The following KATNIP variants were observed in gnomAD, a reference collection of about 807,000 sequenced individuals.
KATNIP encodes the protein katanin-interacting protein.
KATNIP carries 126 observed loss-of-function variants against 174.0 expected under a neutral mutation model. The ratio of observed to expected loss-of-function variants is 0.72; its 90% CI spans 0.63 to 0.84. The LOEUF (loss-of-function observed/expected upper bound fraction) is 0.84, where lower values mean the gene tolerates loss of function less well. Ranked by LOEUF, KATNIP falls within the 40% of genes least tolerant of loss-of-function variation. The pLI, the probability that KATNIP is intolerant of heterozygous loss-of-function variation, is 0.00. For synonymous variants in KATNIP, 810 were observed against 835.7 expected (o/e 0.97, Z 0.53); for missense variants, 1,958 against 2,109.7 (o/e 0.93, Z 1.41).
intron 1 of KATNIP, among the ~76,000 whole-genome samples, chr16:27,562,917 G>A (rs1268061728): frequency 6.6e-6 from 1 of 152,244 alleles, no homozygotes; most frequent in Non-Finnish European, 1.5e-5. Context: ...GATCAGGAAA[G>A]CACATTGCAA....
intron 2 of KATNIP, among the ~76,000 whole-genome samples, chr16:27,607,425 G>C (rs1213375808): frequency 6.6e-6 from 1 of 152,090 alleles, no homozygotes; most frequent in Non-Finnish European, 1.5e-5. Context: ...AGACAGCACT[G>C]ATAAACAGCA....
rs922505625 is a variant in KATNIP, at chr16:27,776,810, G to T, written c.4450-118G>T. ...GGGGCGGAACTCCAGGCTGGCCCAC[G>T]TGGCAGGCGCTGCCTTGGGCACCAC... On this transcript the variant is annotated intron_variant, in intron 24 of 27. Transcript: ENST00000261588. The surrounding 1 kb of genome is among the most constrained non-coding windows in gnomAD (Gnocchi z 4.7). 6.7e-5 allele frequency: 47 copies of T among 700,598 alleles called. 1 individual carries two copies. The South Asian group carries it at 8.0e-4, about 12-fold the overall frequency. The allele number at this position is 700,598 out of a possible 1,614,324, so 43.4% of individuals were successfully genotyped here.
At chr16:27,727,878 A>G (rs912291608) in intron 14 of KATNIP, 1 of 152,242 alleles carries the variant, frequency 6.6e-6, no homozygotes, top group Non-Finnish European at 1.5e-5. Context: ...TCTAACAAAA[A>G]AAGTTTGTTT....
intron 13 of KATNIP, among the ~76,000 whole-genome samples, chr16:27,712,649 G>T (rs183690763): frequency 1.3e-5 from 2 of 152,100 alleles, no homozygotes; most frequent in Non-Finnish European, 2.9e-5. Context: ...TTCTGTGCCC[G>T]CACCATGTCT....
intron 1 of KATNIP, among the ~76,000 whole-genome samples, chr16:27,572,198 A>G (rs2090329875): frequency 6.6e-6 from 1 of 152,008 alleles, no homozygotes; most frequent in East Asian, 1.9e-4. Context: ...GGTGGATCAC[A>G]TGAGCCCAGG....
At position 27,776,955 on chromosome 16, in the gene KATNIP, C is replaced by T. The variant is rs1291599892; in HGVS notation, c.4477C>T (p.Leu1493=). 1 of 1,613,572 alleles carries T rather than the reference C, an allele frequency of 6.2e-7. No homozygotes were observed. Among genetic ancestry groups the T allele is most frequent in the South Asian group, 1.1e-5 (1 of 91,064 alleles). Residue 1493 remains leucine (L), a synonymous_variant, in exon 25 of 28, where the codon CTG becomes TTG. Transcript: ENST00000261588. This position sits in a 1 kb window ranked among gnomAD's most constrained non-coding sequence, Gnocchi z 4.7. ...GAACCGGGTTTATGTGATTTTCGAT[C>T]TGCCTACCACCGTGTCAATGATCAA... The part of the protein sequence containing the change: ...LVNRVYVIFD[L]PTTVSMIKLW...
intron 14 of KATNIP, among the ~76,000 whole-genome samples, chr16:27,738,889 G>A (rs879378612): frequency 2.7e-4 from 41 of 152,296 alleles, no homozygotes; most frequent in African/African-American, 7.7e-4. Flanking sequence ...TCGTGCATGT[G>A]TTGGGGCATC....
chr16:27,648,838 C>T lies in KATNIP; in HGVS notation c.540+103C>T, dbSNP rs569323457. The T allele has an allele frequency of 6.4e-5, 80 of 1,255,328 alleles. No individual in the cohort carries two copies. The South Asian group carries it at 1.1e-3, about 18-fold the overall frequency. 77.8% of individuals were successfully genotyped at this position (1,255,328 alleles called of 1,614,324 possible). On this transcript the variant is annotated intron_variant, in intron 6 of 27. Transcript: ENST00000261588. ...CTTTCTGACAGTTATTTATTCTGTC[C>T]TTCACTCGCCGCTGTGTTCCTTCAC...
chr16:27,571,264 C>G (rs958938885), intron 1 of KATNIP, among the ~76,000 whole-genome samples: 4 of 152,150 alleles, frequency 2.6e-5, no homozygotes, highest in African/African-American at 9.7e-5. Flanking sequence ...AAGTCCTGAC[C>G]TCAGGTGATC....
chr16:27,695,685 C>T (rs2078888909), intron 8 of KATNIP, among the ~76,000 whole-genome samples: 1 of 152,150 alleles, frequency 6.6e-6, no homozygotes, highest in Non-Finnish European at 1.5e-5. Context: ...GAGCCTGGCA[C>T]AGATAAATAT....
At chr16:27,691,062 C>T (rs1412349481) in intron 8 of KATNIP, among the ~76,000 whole-genome samples, 1 of 152,068 alleles carries the variant, frequency 6.6e-6, no homozygotes, top group East Asian at 1.9e-4. Flanking sequence ...TATAATAGAC[C>T]CTTGTTGTCC....
chr16:27,776,355 GA>G lies in KATNIP; in HGVS notation c.4450-572del, dbSNP rs2082498164. Among the ~76,000 whole-genome samples, 1 of 152,132 alleles carries G rather than the reference GA, an allele frequency of 6.6e-6. No individual in the cohort carries two copies. The highest frequency in any genetic ancestry group is 1.5e-5 in the Non-Finnish European group (1 of 68,030). On this transcript the variant is annotated intron_variant, in intron 24 of 27. Transcript: ENST00000261588. The surrounding 1 kb of genome is among the most constrained non-coding windows in gnomAD (Gnocchi z 4.7). ...TGAGAGCTTTGGTTGGGGGTGGGGA[GA>G]GGGAGGGCTGTTTGAGGCTGCTCCG...
chr16:27,760,612 A>G (rs902855447), intron 18 of KATNIP, among the ~76,000 whole-genome samples: 4 of 152,246 alleles, frequency 2.6e-5, no homozygotes, highest in Admixed American at 2.6e-4. Flanking sequence ...GCTTACTGAT[A>G]CAAGTCTCCA....
At chr16:27,585,801 C>CA (rs1293658438) in intron 2 of KATNIP, among the ~76,000 whole-genome samples, 2 of 151,892 alleles carry the variant, frequency 1.3e-5, no homozygotes, top group Non-Finnish European at 2.9e-5. Flanking sequence ...TTAATGGGCA[C>CA]AAAAAAAGTA....
At chr16:27,613,561 AATGGTT>A (rs149450055) in intron 2 of KATNIP, among the ~76,000 whole-genome samples, 3,325 of 152,220 alleles carry the variant, frequency 0.022, 138 homozygotes, top group African/African-American at 0.076. Flanking sequence ...AATGTTTCAA[AATGGTT>A]ATGTAAATTG....
chr16:27,740,166 C>T lies in KATNIP; in HGVS notation c.1869C>T (p.Asn623=), dbSNP rs368299693. The change falls in exon 15 of 28, where the codon AAC becomes AAT. Residue 623 remains asparagine, a synonymous_variant. Coordinates refer to ENST00000261588, the MANE Select transcript of KATNIP (RefSeq NM_015202.5). ...ACAGCATCCTGGTTGACCAGAAGAACGAGAAGAGCGAGCAACTAGAGGAGG... is the reference window on the plus strand; with the variant it reads ...ACAGCATCCTGGTTGACCAGAAGAATGAGAAGAGCGAGCAACTAGAGGAGG... The part of the protein sequence containing the change: ...ADHSILVDQK[N]EKSEQLEEAM... 75 of 1,614,112 alleles carry T rather than the reference C, an allele frequency of 4.6e-5. No homozygotes were observed. Among genetic ancestry groups the T allele is most frequent in the African/African-American group, 1.7e-4 (13 of 75,028 alleles).
rs140141501 is a variant in KATNIP, at chr16:27,776,627, G to A, written c.4450-301G>A. Among the ~76,000 whole-genome samples the A allele has an allele frequency of 0.015, 2,213 of 152,296 alleles. 49 individuals carry two copies. The highest frequency in any genetic ancestry group is 0.05 in the African/African-American group (2,062 of 41,548). On this transcript the variant is annotated intron_variant, in intron 24 of 27. Coordinates refer to ENST00000261588, the MANE Select transcript of KATNIP (RefSeq NM_015202.5). This position sits in a 1 kb window ranked among gnomAD's most constrained non-coding sequence, Gnocchi z 4.7. The stretch of plus-strand genomic sequence containing the variant: ...ATTTCTGGGCCTGACCTGAGGGGAC[G>A]TGGGGGAGGGCCGAGGATGTTCCCA...
intron 2 of KATNIP, among the ~76,000 whole-genome samples, chr16:27,577,973 G>C (rs2090560836): frequency 6.6e-6 from 1 of 152,114 alleles, no homozygotes; most frequent in South Asian, 2.1e-4. Context: ...CACAGGGCCT[G>C]GTGCAATTCA....
At chr16:27,607,135 G>A (rs144433944) in intron 2 of KATNIP, among the ~76,000 whole-genome samples, 7 of 152,264 alleles carry the variant, frequency 4.6e-5, no homozygotes, top group African/African-American at 1.4e-4. Context: ...CCTGCAGTAC[G>A]TGCTTTCCCT....
Sources: gnomAD v4.1 joint callset for allele counts (sites outside exome capture counted in the v4.1 genomes callset) on GRCh38, gnomAD v4.1.1 for gene constraint, Gnocchi (gnomAD v3.1) non-coding constraint, MANE v1.5 for transcripts, NCBI Gene and HGNC (gene_info 2026-07-23, HGNC 2026-07-21) for gene names.